PTCHD4: variants seen among roughly 807,000 people sequenced by gnomAD.
The protein encoded by PTCHD4 is patched domain containing 4.
PTCHD4 carries 33 observed loss-of-function variants against 58.1 expected under a neutral mutation model. The ratio of observed to expected loss-of-function variants is 0.57; its 90% CI spans 0.43 to 0.76. PTCHD4 has a LOEUF of 0.76. PTCHD4 is among the 30% of genes least tolerant of loss of function. The probability of loss-of-function intolerance (pLI) is 0.00; values close to 1 mark genes in which losing one functional copy is unlikely to be tolerated. For synonymous variants in PTCHD4, 478 were observed against 409.6 expected (o/e 1.17, Z -2.02); for missense variants, 1,058 against 1,027.1 (o/e 1.03, Z -0.41).
At chr6:48,031,707 C>T (rs1353093656) in intron 3 of PTCHD4, among the ~76,000 whole-genome samples, 2 of 152,050 alleles carry the variant, frequency 1.3e-5, no homozygotes, top group South Asian at 2.1e-4. Flanking sequence ...ATTGATGAAG[C>T]ATTTCCCCAA....
At chr6:47,923,007 G>A (rs1170486666) in intron 4 of PTCHD4, among the ~76,000 whole-genome samples, 3 of 152,188 alleles carry the variant, frequency 2.0e-5, no homozygotes, top group African/African-American at 4.8e-5. Context: ...TACATATTTG[G>A]TTCTTATCAT....
rs570417847 is a variant in PTCHD4 at position 47,867,421 on chromosome 6, T to C, written c.*10882A>G. On this transcript the variant is annotated 3_prime_UTR_variant, in exon 5 of 5. Transcript: ENST00000339488. ...TTAAAATTCAAAAATAGAGACTGTG[T>C]ATTTACATTTTGTAAACCATTCACT... 2.2e-4 allele frequency among the ~76,000 whole-genome samples: 33 copies of C among 151,912 alleles called. No individual in the cohort carries two copies. In the South Asian group the frequency reaches 3.5e-3, roughly 16 times the overall value.
At chr6:48,042,979 G>T (rs1417117034) in intron 3 of PTCHD4, among the ~76,000 whole-genome samples, 1 of 151,728 alleles carries the variant, frequency 6.6e-6, no homozygotes, top group African/African-American at 2.4e-5. Flanking sequence ...TGTGATCTTG[G>T]GTCTAGTCCC....
At chr6:47,957,089 C>G (rs963940355) in intron 4 of PTCHD4, among the ~76,000 whole-genome samples, 3 of 151,314 alleles carry the variant, frequency 2.0e-5, no homozygotes, top group African/African-American at 7.3e-5. Flanking sequence ...CACTTGAACC[C>G]TGGAGGCGGA....
At chr6:47,898,428 C>A (rs1460884801) in intron 4 of PTCHD4, among the ~76,000 whole-genome samples, 1 of 152,154 alleles carries the variant, frequency 6.6e-6, no homozygotes, top group Non-Finnish European at 1.5e-5. Context: ...AGTGATTTCC[C>A]ATACACAGTA....
At chr6:47,923,296 T>G (rs1309248536) in intron 4 of PTCHD4, among the ~76,000 whole-genome samples, 1 of 152,196 alleles carries the variant, frequency 6.6e-6, no homozygotes, top group Non-Finnish European at 1.5e-5. Flanking sequence ...GCTTTCTTTT[T>G]TCTAATTTCT....
chr6:48,054,680 G>A (rs763899182), intron 3 of PTCHD4, among the ~76,000 whole-genome samples: 6 of 151,752 alleles, frequency 4.0e-5, no homozygotes, highest in African/African-American at 9.7e-5. Context: ...TTGTGCAACC[G>A]GTAAAATGAT....
chr6:48,042,891 T>C (rs1039076109), intron 3 of PTCHD4, among the ~76,000 whole-genome samples: 6 of 151,896 alleles, frequency 4.0e-5, no homozygotes, highest in African/African-American at 1.4e-4. Context: ...CTTCTCCCAT[T>C]GCCTTAATTT....
intron 4 of PTCHD4, among the ~76,000 whole-genome samples, chr6:47,982,571 C>A (rs1327872013): frequency 2.0e-5 from 3 of 149,392 alleles, no homozygotes; most frequent in Non-Finnish European, 3.0e-5. Context: ...TCACTGCAGG[C>A]TCCGCCTCCC....
chr6:48,024,540 C>A (rs1478771271), intron 3 of PTCHD4, among the ~76,000 whole-genome samples: 1 of 152,020 alleles, frequency 6.6e-6, no homozygotes, highest in Non-Finnish European at 1.5e-5. Context: ...CTCTGGAAAA[C>A]AATTCATTGT....
rs550954859 is a variant in PTCHD4, at chr6:47,863,816, C to A, written c.*14487G>T. Among the ~76,000 whole-genome samples the A allele has an allele frequency of 5.5e-4, 84 of 152,070 alleles. 2 individuals are homozygous for A. In the South Asian group the frequency reaches 0.017, roughly 30 times the overall value. On this transcript the variant is annotated 3_prime_UTR_variant, in exon 5 of 5. Transcript: ENST00000339488. ...TTCATGAAAAGACTGTCCAGAGCAA[C>A]TTATTACAAATAGAGATTACTAAGG...
rs1373111410 is a variant in PTCHD4, at chr6:47,862,249, T to A, written c.*16054A>T. 2.6e-5 allele frequency among the ~76,000 whole-genome samples: 4 copies of A among 151,350 alleles called. No homozygotes were observed. Among genetic ancestry groups the A allele is most frequent in the South Asian group, 2.1e-4 (1 of 4,804 alleles). ...TTTTGTTGCATTATGGCTTTTTTTT[T>A]AATATCTTGGGTCTGGCGTATATCA... is the stretch of plus-strand genomic sequence containing the variant. On this transcript the variant is annotated 3_prime_UTR_variant, in exon 5 of 5. Transcript: ENST00000339488.
At chr6:47,957,671 GCTCT>G (rs991269710) in intron 4 of PTCHD4, among the ~76,000 whole-genome samples, 1 of 150,858 alleles carries the variant, frequency 6.6e-6, no homozygotes, top group Non-Finnish European at 1.5e-5. Context: ...CGCAATCTTG[GCTCT>G]CTGTAAGCTC....
At chr6:47,990,656 G>A (rs1251640080) in intron 4 of PTCHD4, among the ~76,000 whole-genome samples, 2 of 152,170 alleles carry the variant, frequency 1.3e-5, no homozygotes, top group Admixed American at 1.3e-4. Context: ...ATGTGGAACT[G>A]TAAGTCCAAT....
intron 4 of PTCHD4, among the ~76,000 whole-genome samples, chr6:47,911,711 A>C (rs1576278): frequency 0.55 from 83,778 of 151,366 alleles, 24,824 homozygotes; most frequent in East Asian, 0.78. Context: ...ATTTGAGATG[A>C]CCGGTAGAGT....
intron 4 of PTCHD4, among the ~76,000 whole-genome samples, chr6:47,941,748 A>G (rs1384941898): frequency 6.6e-6 from 1 of 152,224 alleles, no homozygotes; most frequent in Admixed American, 6.5e-5. Context: ...CAGGGTGGTT[A>G]TGTGGTTTAG....
At chr6:47,957,071 A>C (rs1000644114) in intron 4 of PTCHD4, among the ~76,000 whole-genome samples, 1 of 151,732 alleles carries the variant, frequency 6.6e-6, no homozygotes, top group Non-Finnish European at 1.5e-5. Context: ...AGGCTGAGGC[A>C]TGAGAATCAC....
chr6:47,865,040 C>T lies in PTCHD4; in HGVS notation c.*13263G>A, dbSNP rs1173117080. Among the ~76,000 whole-genome samples the T allele has an allele frequency of 6.6e-6, 1 of 151,890 alleles. No individual in the cohort carries two copies. The highest frequency in any genetic ancestry group is 1.5e-5 in the Non-Finnish European group (1 of 67,906). On this transcript the variant is annotated 3_prime_UTR_variant, in exon 5 of 5. Coordinates refer to ENST00000339488, the MANE Select transcript of PTCHD4 (RefSeq NM_001384253.1). ...TGTTTCTAAGCATAAATCACCTGAA[C>T]TGCTAAATTCCCTGAAATGCAAATA...
chr6:47,910,756 C>T (rs1383653539), intron 4 of PTCHD4, among the ~76,000 whole-genome samples: 6 of 151,562 alleles, frequency 4.0e-5, no homozygotes, highest in South Asian at 2.1e-4. Flanking sequence ...AAGAGATAGC[C>T]ATATGATTTG....
Sources: allele counts gnomAD v4.1 joint callset (sites outside exome capture counted in the v4.1 genomes callset), GRCh38; gene constraint gnomAD v4.1.1; transcripts MANE v1.5; gene names NCBI Gene and HGNC (gene_info 2026-07-23, HGNC 2026-07-21).